Variants in GAB1 observed in about 807,000 individuals in gnomAD.
GAB1 encodes GRB2 associated binding protein 1.
In GAB1, 19 loss-of-function variants were observed where a neutral mutation model predicts 66.5. The ratio of observed to expected loss-of-function variants is 0.29; its 90% CI spans 0.20 to 0.42. The LOEUF is 0.42. Ranked by LOEUF, GAB1 falls within the 10% of genes least tolerant of loss-of-function variation. The probability of loss-of-function intolerance (pLI) is 1.00; values close to 1 mark genes in which losing one functional copy is unlikely to be tolerated. For missense variants in GAB1, 732 were observed against 858.5 expected, an observed-to-expected ratio of 0.85 and a Z score of 1.84; for synonymous variants, 294 against 301.4, an observed-to-expected ratio of 0.98 and a Z score of 0.25.
chr4:143,389,601 A>C (rs1053437006), intron 1 of GAB1, among the ~76,000 whole-genome samples: 4 of 152,188 alleles, frequency 2.6e-5, no homozygotes, highest in Non-Finnish European at 4.4e-5. Context: ...AGCATAAGAC[A>C]ATTTGTTCTG....
intron 1 of GAB1, among the ~76,000 whole-genome samples, chr4:143,374,642 C>T (rs1730335404): frequency 6.6e-6 from 1 of 152,180 alleles, no homozygotes; most frequent in East Asian, 1.9e-4. Flanking sequence ...TCACAGGGTT[C>T]ACATGGGCAT....
chr4:143,443,726 A>G (rs1193887746), intron 6 of GAB1, among the ~76,000 whole-genome samples: 3 of 152,198 alleles, frequency 2.0e-5, no homozygotes, highest in African/African-American at 7.2e-5. Context: ...TCATTGCCCT[A>G]TATGTCTGGT....
chr4:143,364,189 CAAAAAA>C (rs779207437), intron 1 of GAB1, among the ~76,000 whole-genome samples: 1 of 81,484 alleles, frequency 1.2e-5, no homozygotes, highest in Admixed American at 1.3e-4. Flanking sequence ...ACTTCGTCTC[CAAAAAA>C]AAAAAAAAAA....
rs146131448 is a variant in GAB1 at position 143,466,857 on chromosome 4, G to A, written c.1926+632G>A. On this transcript the variant is annotated intron_variant, in intron 9 of 9. Transcript: ENST00000262994. The stretch of plus-strand genomic sequence containing the variant: ...ACTCTCCTTAAAATGCTCAAATTCT[G>A]TGCTATCTTTGTCCAAAATTTTAAT... Among the ~76,000 whole-genome samples the A allele has an allele frequency of 8.5e-3, 1,288 of 152,156 alleles. 17 individuals carry two copies. The highest frequency in any genetic ancestry group is 0.042 in the East Asian group (217 of 5,164).
chr4:143,468,242 T>C (rs1042920120), intron 9 of GAB1, among the ~76,000 whole-genome samples: 2 of 128,572 alleles, frequency 1.6e-5, no homozygotes, highest in African/African-American at 6.4e-5. Flanking sequence ...TTGGACGGAG[T>C]CTTGCTCTGT....
chr4:143,460,542 C>G (rs1735436607), intron 8 of GAB1, 55 bp downstream of exon 8: 1 of 1,551,254 alleles, frequency 6.4e-7, no homozygotes, highest in South Asian at 1.1e-5. Context: ...GTCATTCAAG[C>G]TAGAACTGTT....
At chr4:143,398,028 A>G (rs1365231441) in intron 1 of GAB1, among the ~76,000 whole-genome samples, 1 of 152,236 alleles carries the variant, frequency 6.6e-6, no homozygotes, top group Non-Finnish European at 1.5e-5. Context: ...CAGTCTGAGA[A>G]CAGACAAATT....
intron 8 of GAB1, among the ~76,000 whole-genome samples, chr4:143,465,332 C>T (rs966627561): frequency 6.6e-6 from 1 of 152,112 alleles, no homozygotes; most frequent in African/African-American, 2.4e-5. Flanking sequence ...ACCTTCTTTC[C>T]CTTTTTTTAG....
In GAB1 at chr4:143,358,393, C is replaced by T. The variant is rs115475918; in HGVS notation, c.72+21133C>T. ...TGATGAATACCTTTGAATGTTGTTT[C>T]GGTATTTTTCTTTTTTATTATAAAA... is the stretch of plus-strand genomic sequence containing the variant. On this transcript the variant is annotated intron_variant, in intron 1 of 9. Coordinates refer to ENST00000262994, the MANE Select transcript of GAB1 (RefSeq NM_002039.4). Among the ~76,000 whole-genome samples the T allele has an allele frequency of 2.8e-3, 430 of 152,126 alleles. 3 individuals carry two copies. The highest frequency in any genetic ancestry group is 9.8e-3 in the African/African-American group (406 of 41,504).
chr4:143,349,551 A>C, intron 1 of GAB1: 1 of 1,506,296 alleles, frequency 6.6e-7, no homozygotes, highest in East Asian at 2.4e-5. Flanking sequence ...AGACGATGCC[A>C]GTGCCCCTGG....
Position 143,438,526 on chromosome 4 carries a change from G to T in GAB1, c.1121G>T (p.Cys374Phe). 1 of 1,613,898 alleles carries T rather than the reference G, an allele frequency of 6.2e-7. No individual in the cohort carries two copies. Among genetic ancestry groups the T allele is most frequent in the Non-Finnish European group, 8.5e-7 (1 of 1,179,828 alleles). The change falls in exon 4 of 10, where the codon TGT (cysteine) becomes TTT (phenylalanine). Residue 374 changes from cysteine (C) to phenylalanine (F), a missense_variant. Cys to Phe is a radical substitution (Grantham distance 205). This residue lies in a region of GAB1 where 427 missense variants were observed against 420.6 expected (regional missense o/e 1.02). Transcript: ENST00000262994. ...RTASDTDSSY[C>F]IPTAGMSPSR... ...GCCTCAGACACTGACAGTAGTTACTGTATCCCTACAGCAGGGATGTCGCCT... is the reference window on the plus strand; with the variant it reads ...GCCTCAGACACTGACAGTAGTTACTTTATCCCTACAGCAGGGATGTCGCCT...
chr4:143,449,181 A>G (rs1734746688), intron 6 of GAB1, among the ~76,000 whole-genome samples: 1 of 148,982 alleles, frequency 6.7e-6, no homozygotes, highest in Non-Finnish European at 1.5e-5. Flanking sequence ...CTGTTCTTTT[A>G]CATTTGCTGA....
intron 1 of GAB1, among the ~76,000 whole-genome samples, chr4:143,371,125 C>A (rs1310381402): frequency 6.6e-6 from 1 of 152,136 alleles, no homozygotes; most frequent in African/African-American, 2.4e-5. Context: ...AATCGCCACA[C>A]TGACTTCCAC....
chr4:143,415,275 C>T (rs917173384), intron 1 of GAB1, among the ~76,000 whole-genome samples: 7 of 152,076 alleles, frequency 4.6e-5, no homozygotes, highest in Non-Finnish European at 8.8e-5. Context: ...TATATATATA[C>T]ATTATTAAGT....
chr4:143,378,649 CTCTCTCTCTCT>C, intron 1 of GAB1, among the ~76,000 whole-genome samples: 1 of 148,494 alleles, frequency 6.7e-6, no homozygotes, highest in South Asian at 2.1e-4. Flanking sequence ...CTCTCTCTCT[CTCTCTCTCTCT>C]CTCTCTCTCT....
At chr4:143,464,797 G>A (rs768073336) in intron 8 of GAB1, among the ~76,000 whole-genome samples, 11 of 152,146 alleles carry the variant, frequency 7.2e-5, no homozygotes, top group South Asian at 6.2e-4. Context: ...GCCCTGCTAC[G>A]AAATGAGAGA....
chr4:143,450,230 T>A (rs986892866), intron 6 of GAB1, among the ~76,000 whole-genome samples: 4 of 152,280 alleles, frequency 2.6e-5, no homozygotes, highest in African/African-American at 7.2e-5. Context: ...TTAAAACTTA[T>A]AAAAATTTTT....
rs1296197180 is a variant in GAB1, at chr4:143,337,196, G to A, written c.8G>A (p.Gly3Asp). Residue 3 changes from glycine to aspartate, a missense_variant, in exon 1 of 10, where the codon GGT (glycine) becomes GAT (aspartate). By Grantham distance (94) the Gly-to-Asp change is moderately conservative. Around this residue, in one of 4 missense-constraint regions of GAB1, gnomAD observed 35 missense variants for 30.8 expected, o/e 1.13. Transcript: ENST00000262994. Reference protein sequence around the residue: MSGGEVVCSGWLR... With the variant: MSDGEVVCSGWLR... ...GCCCGAGACGCGCGCACCATGAGCGGTGGTGAAGTGGTCTGCTCCGGATGG... is the reference window on the plus strand; with the variant it reads ...GCCCGAGACGCGCGCACCATGAGCGATGGTGAAGTGGTCTGCTCCGGATGG... 6.3e-7 allele frequency: 1 copy of A among 1,581,142 alleles called. No individual in the cohort carries two copies. Among genetic ancestry groups the A allele is most frequent in the African/African-American group, 1.3e-5 (1 of 74,630 alleles).
At chr4:143,450,032 T>G (rs1013319302) in intron 6 of GAB1, among the ~76,000 whole-genome samples, 3 of 152,168 alleles carry the variant, frequency 2.0e-5, no homozygotes, top group Non-Finnish European at 4.4e-5. Context: ...AAACTAGATT[T>G]TGATAAACAG....
Sources: gnomAD v4.1 joint callset for allele counts (sites outside exome capture counted in the v4.1 genomes callset) on GRCh38, gnomAD v4.1.1 for gene constraint, gnomAD v4.1.1 regional missense constraint, MANE v1.5 for transcripts, NCBI Gene and HGNC (gene_info 2026-07-23, HGNC 2026-07-21) for gene names.